ZCCHC10: variants seen among roughly 807,000 people sequenced by gnomAD.
The protein encoded by ZCCHC10 is zinc finger CCHC-type containing 10, also known as zinc finger CCHC domain-containing protein 10.
ZCCHC10 carries 16 observed loss-of-function variants against 19.5 expected under a neutral mutation model. The ratio of observed to expected loss-of-function variants is 0.82; its 90% confidence interval spans 0.56 to 1.25. The LOEUF is 1.25. Among genes scored for constraint, ZCCHC10 ranks in the 50% most tolerant of loss-of-function variants. ZCCHC10 has a pLI of 0.00. For missense variants in ZCCHC10, 197 were observed against 201.0 expected (o/e 0.98, Z 0.12); for synonymous variants, 67 against 72.5 (o/e 0.92, Z 0.38).
At chr5:133,001,430 CAATT>C (rs887820924) in intron 3 of ZCCHC10, among the ~76,000 whole-genome samples, 4 of 151,768 alleles carry the variant, frequency 2.6e-5, no homozygotes, top group African/African-American at 4.8e-5. Flanking sequence ...AAGAAAAAAA[CAATT>C]AATTCTATCA....
At position 133,006,081 on chromosome 5, in the gene ZCCHC10, T is replaced by C. The variant is rs1306938184; in HGVS notation, c.269+678A>G. On this transcript the variant is annotated intron_variant, in intron 3 of 4. Coordinates refer to ENST00000509437, the MANE Select transcript of ZCCHC10 (RefSeq NM_001300816.3). ...CTCACCAAAACTTCCACCTCCCAGG[T>C]TCAAGTGATTCTCTTGCCTCAGCCT... 2.0e-5 allele frequency among the ~76,000 whole-genome samples: 3 copies of C among 148,102 alleles called. 1 individual carries two copies. The highest frequency in any genetic ancestry group is 4.5e-5 in the Non-Finnish European group (3 of 67,316).
chr5:133,019,991 C>T (rs1764196130), intron 2 of ZCCHC10, among the ~76,000 whole-genome samples: 2 of 149,020 alleles, frequency 1.3e-5, no homozygotes, highest in African/African-American at 5.0e-5. Context: ...AAAAAGAGAA[C>T]ATAAAAGATG....
chr5:133,012,986 G>C (rs1479531065), intron 2 of ZCCHC10, among the ~76,000 whole-genome samples: 1 of 151,140 alleles, frequency 6.6e-6, no homozygotes, highest in Non-Finnish European at 1.5e-5. Context: ...GGGAGGCGGA[G>C]CTTGCAGTGA....
At position 133,023,287 on chromosome 5, in the gene ZCCHC10, T is replaced by C. The variant is rs1353425716; in HGVS notation, c.42-381A>G. ...GACCCCAAATAATGCCTAGACTCCA[T>C]AATTTACTTAATATAGGTAGATGTA... On this transcript the variant is annotated intron_variant, in intron 1 of 4. Transcript: ENST00000509437. Among the ~76,000 whole-genome samples, 4 of 152,198 alleles carry C rather than the reference T, an allele frequency of 2.6e-5. No individual in the cohort carries two copies. The East Asian group carries it at 5.8e-4, about 22-fold the overall frequency.
intron 2 of ZCCHC10, among the ~76,000 whole-genome samples, chr5:133,007,289 T>C (rs564538589): frequency 4.6e-5 from 7 of 152,192 alleles, no homozygotes; most frequent in African/African-American, 1.7e-4. Flanking sequence ...ACACCTATAA[T>C]CCCAGCACTT....
chr5:133,004,443 G>T (rs1762974683), intron 3 of ZCCHC10, among the ~76,000 whole-genome samples: 1 of 152,014 alleles, frequency 6.6e-6, no homozygotes, highest in South Asian at 2.1e-4. Context: ...CAAAGTGCTG[G>T]GATTACAGGC....
At chr5:133,003,934 T>C (rs1248665959) in intron 3 of ZCCHC10, among the ~76,000 whole-genome samples, 1 of 152,048 alleles carries the variant, frequency 6.6e-6, no homozygotes, top group Non-Finnish European at 1.5e-5. Context: ...GGTCTCGAAC[T>C]CCTGACCTCG....
At chr5:132,998,998 C>G in intron 4 of ZCCHC10, 148 bp from the exon 5 acceptor site, 4 of 1,074,554 alleles carry the variant, frequency 3.7e-6, no homozygotes, top group Non-Finnish European at 3.9e-6. Flanking sequence ...TCACTGCAAC[C>G]TCTGCCTCCC....
chr5:133,005,463 A>C (rs1489348706), intron 3 of ZCCHC10, among the ~76,000 whole-genome samples: 1 of 151,892 alleles, frequency 6.6e-6, no homozygotes, highest in Admixed American at 6.6e-5. Flanking sequence ...AAATACAAAA[A>C]ATTAGCCAGG....
At chr5:132,999,814 C>T (rs1171096787) in intron 4 of ZCCHC10, among the ~76,000 whole-genome samples, 1 of 152,166 alleles carries the variant, frequency 6.6e-6, no homozygotes, top group Non-Finnish European at 1.5e-5. Context: ...ATGGCATGAT[C>T]TTGGCTCATG....
At chr5:133,011,211 C>T (rs1170557601) in intron 2 of ZCCHC10, 1 of 152,056 alleles carries the variant, frequency 6.6e-6, no homozygotes, top group Non-Finnish European at 1.5e-5. Flanking sequence ...TTTGGCCTCC[C>T]AGATTACAGA....
chr5:133,007,033 C>A, intron 2 of ZCCHC10, 113 bp from the exon 3 acceptor site: 2 of 1,026,290 alleles, frequency 1.9e-6, no homozygotes, highest in Non-Finnish European at 1.3e-6. Flanking sequence ...TGGTCCAATT[C>A]ATAAAAATCA....
chr5:132,998,006 A>G lies in ZCCHC10; in HGVS notation c.*577T>C, dbSNP rs1266278288. ...CAGAAGAAAATGAATGACGTAACACAGCAATTTGAAACTTACAGCATTCAA... is the reference window on the plus strand; with the variant it reads ...CAGAAGAAAATGAATGACGTAACACGGCAATTTGAAACTTACAGCATTCAA... On this transcript the variant is annotated 3_prime_UTR_variant, in exon 5 of 5. Coordinates refer to ENST00000509437, the MANE Select transcript of ZCCHC10 (RefSeq NM_001300816.3). 6.6e-6 allele frequency: 1 copy of G among 152,204 alleles called. No homozygotes were observed. Among genetic ancestry groups the G allele is most frequent in the Non-Finnish European group, 1.5e-5 (1 of 68,026 alleles). 9.4% of individuals were successfully genotyped at this position (152,204 alleles called of 1,614,324 possible). A position where few individuals can be genotyped will look rare whatever the true frequency, so the allele number is the denominator to read the frequency against.
In ZCCHC10 at chr5:133,006,739, G is replaced by T; in HGVS notation, c.269+20C>A. 2.5e-6 allele frequency: 4 copies of T among 1,572,450 alleles called. No individual in the cohort carries two copies. The highest frequency in any genetic ancestry group is 2.4e-5 in the South Asian group (2 of 82,568). On this transcript the variant is annotated intron_variant, in intron 3 of 4. Transcript: ENST00000509437. ...TACACATTAAAAAAATATTCCTTTG[G>T]ATACCACATGTAAACCTACCTTTGT...
intron 2 of ZCCHC10, among the ~76,000 whole-genome samples, chr5:133,017,349 A>AT (rs928243389): frequency 6.6e-5 from 10 of 151,542 alleles, no homozygotes; most frequent in African/African-American, 2.4e-4. Context: ...AGGAAGAACT[A>AT]TAAAAATGTC....
Position 133,007,207 on chromosome 5 carries a change from T to C in ZCCHC10, c.108-287A>G, listed in dbSNP as rs562360000. On this transcript the variant is annotated intron_variant, in intron 2 of 4. Transcript: ENST00000509437. ...GGGCAAGTCTTTCCTGTGCTGTTCT[T>C]GTGATAGTGAATAAATCTCACAAGA... Among the ~76,000 whole-genome samples, 145 of 152,200 alleles carry C rather than the reference T, an allele frequency of 9.5e-4. 1 individual carries two copies. The highest frequency in any genetic ancestry group is 3.3e-3 in the African/African-American group (138 of 41,536).
At position 133,026,507 on chromosome 5, in the gene ZCCHC10, G is replaced by C; in HGVS notation, c.31C>G (p.Arg11Gly). The C allele has an allele frequency of 1.9e-6, 3 of 1,613,746 alleles. No homozygotes were observed. Among genetic ancestry groups the C allele is most frequent in the Non-Finnish European group, 8.5e-7 (1 of 1,179,932 alleles). Residue 11 changes from arginine to glycine, a missense_variant, in exon 1 of 5, where the codon CGG becomes GGG. Arg to Gly is a moderately radical substitution (Grantham distance 125). Coordinates refer to ENST00000509437, the MANE Select transcript of ZCCHC10 (RefSeq NM_001300816.3). ...CGGATCCTTACTTACGCTTGTCTCC[G>C]GGCTATTAGCCGATGCATGGGAGTC... Reference protein sequence around the residue: MATPMHRLIARRQAFDTELQP... With the variant: MATPMHRLIAGRQAFDTELQP...
chr5:133,011,976 T>A (rs1326859710), intron 2 of ZCCHC10, among the ~76,000 whole-genome samples: 1 of 149,830 alleles, frequency 6.7e-6, no homozygotes, highest in Non-Finnish European at 1.5e-5. Flanking sequence ...CCAAAAAAAA[T>A]TTCTAAAACA....
At chr5:133,000,857 G>T (rs1166696249) in intron 3 of ZCCHC10, among the ~76,000 whole-genome samples, 6 of 151,118 alleles carry the variant, frequency 4.0e-5, no homozygotes, top group African/African-American at 1.5e-4. Flanking sequence ...TGGCCAGGCT[G>T]GTCTCAAACT....
Sources: gnomAD v4.1 joint callset for allele counts (sites outside exome capture counted in the v4.1 genomes callset) on GRCh38, gnomAD v4.1.1 for gene constraint, MANE v1.5 for transcripts, NCBI Gene and HGNC (gene_info 2026-07-23, HGNC 2026-07-21) for gene names.